KIAA1217: variants seen among roughly 807,000 people sequenced by gnomAD.
KIAA1217 encodes KIAA1217.
A neutral mutation model predicts 163.9 loss-of-function variants in KIAA1217; 88 were observed. That is an observed-to-expected ratio of 0.54 (90% CI 0.45 to 0.64). KIAA1217 has a LOEUF of 0.64. KIAA1217 is among the 30% of genes least tolerant of loss of function. The pLI is 0.00. For synonymous variants in KIAA1217, 903 were observed against 923.1 expected (o/e 0.98, Z 0.39); for missense variants, 2,372 against 2,475.0 (o/e 0.96, Z 0.88).
intron 2 of KIAA1217, among the ~76,000 whole-genome samples, chr10:24,338,523 T>C (rs1481422874): frequency 6.6e-6 from 1 of 152,226 alleles, no homozygotes; most frequent in Non-Finnish European, 1.5e-5. Flanking sequence ...TATTCATGCA[T>C]TCAAGCTGGA....
chr10:24,126,327 G>T (rs145751870), intron 2 of KIAA1217, among the ~76,000 whole-genome samples: 4 of 151,930 alleles, frequency 2.6e-5, no homozygotes, highest in Admixed American at 2.0e-4. Context: ...TGGTTCAATT[G>T]CTATAGTTTT....
chr10:24,079,598 T>C (rs1453675644), intron 2 of KIAA1217, among the ~76,000 whole-genome samples: 2 of 152,186 alleles, frequency 1.3e-5, no homozygotes, highest in African/African-American at 2.4e-5. Context: ...TGAAACATGC[T>C]TCCTGTGAAA....
intron 1 of KIAA1217, among the ~76,000 whole-genome samples, chr10:23,739,483 G>A (rs1838988861): frequency 6.6e-6 from 1 of 152,190 alleles, no homozygotes; most frequent in African/African-American, 2.4e-5. Flanking sequence ...CATGTCAGTT[G>A]TGTATGTTTC....
chr10:24,504,456 A>G (rs1223714683), intron 9 of KIAA1217, among the ~76,000 whole-genome samples: 7 of 152,158 alleles, frequency 4.6e-5, no homozygotes, highest in Admixed American at 3.3e-4. Context: ...TTTTCAATCG[A>G]GGGAGTCTAC....
rs376425958 is a variant in KIAA1217 at position 23,818,070 on chromosome 10, TACAC to T, written c.-321+122844_-321+122847del. Among the ~76,000 whole-genome samples, 511 of 124,240 alleles carry T rather than the reference TACAC, an allele frequency of 4.1e-3. 12 individuals are homozygous for T. The highest frequency in any genetic ancestry group is 0.016 in the African/African-American group (467 of 29,920). The allele number at this position is 124,240 out of a possible 152,430, so 81.5% of individuals were successfully genotyped here. ...ATACACATATATATACATATATATATACACACACACATATAGATATACATACACA... is the reference window on the plus strand; with the variant it reads ...ATACACATATATATACATATATATATACACACATATAGATATACATACACA... On this transcript the variant is annotated intron_variant, in intron 1 of 18. Transcript: ENST00000376462.
At chr10:23,990,058 G>T (rs1846150933) in intron 1 of KIAA1217, among the ~76,000 whole-genome samples, 1 of 152,194 alleles carries the variant, frequency 6.6e-6, no homozygotes, top group Non-Finnish European at 1.5e-5. Context: ...TACAAGCTTT[G>T]GGAGAGAGTT....
intron 1 of KIAA1217, among the ~76,000 whole-genome samples, chr10:23,803,567 C>T (rs1385658882): frequency 2.6e-5 from 4 of 152,178 alleles, no homozygotes; most frequent in Admixed American, 2.0e-4. Flanking sequence ...CCTCATGCCC[C>T]ATAGGAGTCC....
At position 24,209,869 on chromosome 10, in the gene KIAA1217, C is replaced by T. The variant is rs2130604451; in HGVS notation, c.70+606C>T. 3.3e-5 allele frequency among the ~76,000 whole-genome samples: 5 copies of T among 152,268 alleles called. No homozygotes were observed. In the South Asian group the frequency reaches 1.0e-3, roughly 32 times the overall value. On this transcript the variant is annotated intron_variant, in intron 1 of 20. Coordinates refer to ENST00000376454, the MANE Select transcript of KIAA1217 (RefSeq NM_019590.5). Reference sequence around the variant, plus strand: ...TTGGACAATTTTGGTAAATTTTCTCCAGGCAGTTTCCCTTTAATTGTGTTT... The same window carrying T: ...TTGGACAATTTTGGTAAATTTTCTCTAGGCAGTTTCCCTTTAATTGTGTTT...
At chr10:23,717,747 C>T (rs1837658669) in intron 1 of KIAA1217, among the ~76,000 whole-genome samples, 1 of 152,104 alleles carries the variant, frequency 6.6e-6, no homozygotes, top group South Asian at 2.1e-4. Context: ...AAATCCTCTA[C>T]CCTTGGCAAC....
chr10:24,478,549 G>A (rs950956552), intron 6 of KIAA1217, among the ~76,000 whole-genome samples: 4 of 152,152 alleles, frequency 2.6e-5, no homozygotes, highest in Non-Finnish European at 5.9e-5. Context: ...CCATTCTAGT[G>A]TCTGAGCTTC....
chr10:24,373,343 T>C (rs2051966611), intron 2 of KIAA1217, among the ~76,000 whole-genome samples: 1 of 152,130 alleles, frequency 6.6e-6, no homozygotes, highest in Non-Finnish European at 1.5e-5. Flanking sequence ...CCTGCGCAAT[T>C]AGGAACTTCC....
intron 2 of KIAA1217, among the ~76,000 whole-genome samples, chr10:24,364,506 C>T (rs1434870086): frequency 6.6e-6 from 1 of 152,044 alleles, no homozygotes; most frequent in African/African-American, 2.4e-5. Context: ...CCTGAGAAAA[C>T]TTATGTGTGA....
At chr10:23,860,282 C>G (rs1839891920) in intron 1 of KIAA1217, among the ~76,000 whole-genome samples, 1 of 151,858 alleles carries the variant, frequency 6.6e-6, no homozygotes, top group Admixed American at 6.6e-5. Context: ...ACCTTAATGG[C>G]AAAATCTTTA....
At chr10:23,704,172 G>A (rs5783856) in intron 1 of KIAA1217, among the ~76,000 whole-genome samples, 799 of 39,806 alleles carry the variant, frequency 0.02, 16 homozygotes, top group Middle Eastern at 0.058. Context: ...GTGTGTGTGT[G>A]TATATATATA....
chr10:23,980,840 T>G lies in KIAA1217; in HGVS notation c.-320-26385T>G, dbSNP rs190281157. ...TCCCATGTCTAATATCTGTTAAAAC[T>G]TCTCATCTGTAGCTATCTCCTCCAA... On this transcript the variant is annotated intron_variant, in intron 1 of 18. Transcript: ENST00000376462. Among the ~76,000 whole-genome samples, 22 of 152,316 alleles carry G rather than the reference T, an allele frequency of 1.4e-4. No individual in the cohort carries two copies. In the East Asian group the frequency reaches 3.9e-3, roughly 27 times the overall value.
intron 1 of KIAA1217, among the ~76,000 whole-genome samples, chr10:23,727,585 T>C (rs1266478457): frequency 1.3e-5 from 2 of 152,164 alleles, no homozygotes; most frequent in Admixed American, 6.6e-5. Flanking sequence ...AAAGTTGTTA[T>C]GATGCACATA....
chr10:23,821,722 G>GT (rs1837628204), intron 1 of KIAA1217, among the ~76,000 whole-genome samples: 1 of 152,152 alleles, frequency 6.6e-6, no homozygotes, highest in Non-Finnish European at 1.5e-5. Context: ...ATAAAAATCT[G>GT]TTTTTGCCTG....
chr10:24,411,664 A>G (rs748264324), intron 3 of KIAA1217, among the ~76,000 whole-genome samples: 31 of 152,192 alleles, frequency 2.0e-4, no homozygotes, highest in Non-Finnish European at 3.4e-4. Flanking sequence ...TTAAATTGAG[A>G]CATCCTTTTC....
intron 2 of KIAA1217, among the ~76,000 whole-genome samples, chr10:24,098,760 T>TGTGTGTGTGTGTGTGTG (rs1554865618): frequency 4.1e-5 from 6 of 146,834 alleles, no homozygotes; most frequent in Middle Eastern, 3.2e-3. Flanking sequence ...TGTGTGTGTG[T>TGTGTGTGTGTGTGTGTG]TAGAGAGAGA....
Sources: gnomAD v4.1 joint callset for allele counts (sites outside exome capture counted in the v4.1 genomes callset) on GRCh38, gnomAD v4.1.1 for gene constraint, MANE v1.5 for transcripts, NCBI Gene and HGNC (gene_info 2026-07-23, HGNC 2026-07-21) for gene names.